The following TUBAL3 variants were observed in gnomAD, a reference collection of about 807,000 sequenced individuals.
The protein encoded by TUBAL3 is tubulin alpha chain-like 3.
TUBAL3 carries 16 observed loss-of-function variants against 15.5 expected under a neutral mutation model. That is an observed-to-expected ratio of 1.04 (90% confidence interval 0.70 to 1.57). The LOEUF (loss-of-function observed/expected upper bound fraction) is 1.57. Among genes scored for constraint, TUBAL3 ranks in the 40% most tolerant of loss-of-function variants. The pLI is 0.00. For synonymous variants in TUBAL3, 238 were observed against 224.3 expected (o/e 1.06, Z -0.55); for missense variants, 609 against 576.2 (o/e 1.06, Z -0.58).
At chr10:5,399,615 A>C (rs1554814463) in intron 2 of TUBAL3, among the ~76,000 whole-genome samples, 1 of 152,240 alleles carries the variant, frequency 6.6e-6, no homozygotes, top group African/African-American at 2.4e-5. Context: ...GTCGAAGGCA[A>C]AAATCAACAT....
intron 1 of TUBAL3, among the ~76,000 whole-genome samples, chr10:5,404,092 C>T (rs1352958861): frequency 1.3e-5 from 2 of 152,144 alleles, no homozygotes; most frequent in African/African-American, 4.8e-5. Flanking sequence ...TGTTGAAAGG[C>T]ATAATTTTTA....
In TUBAL3 at chr10:5,394,462, C is replaced by A; in HGVS notation, c.397-1G>T. ...CCTGAAGTCCACCACACTGTTCTGC[C>A]TGGAGAAAGTAAATGAGATGTGAGA... On this transcript the variant is annotated splice_acceptor_variant, in intron 3 of 3. Transcript: ENST00000380419. LOFTEE classifies it high-confidence loss of function. This position sits in a 1 kb window ranked among gnomAD's most constrained non-coding sequence, Gnocchi z 4.3. 6.3e-7 allele frequency: 1 copy of A among 1,586,046 alleles called. No homozygotes were observed. The highest frequency in any genetic ancestry group is 1.2e-5 in the South Asian group (1 of 86,138).
intron 2 of TUBAL3, among the ~76,000 whole-genome samples, chr10:5,398,787 G>C (rs773835281): frequency 5.9e-5 from 9 of 152,016 alleles, no homozygotes; most frequent in Non-Finnish European, 1.2e-4. Flanking sequence ...ATCAGCTGTT[G>C]TTAGTGTGAG....
In TUBAL3 at chr10:5,393,424, C is replaced by T. The variant is rs566257350; in HGVS notation, c.*93G>A. The T allele has an allele frequency of 7.0e-5, 80 of 1,147,998 alleles. No homozygotes were observed. In the African/African-American group the frequency reaches 1.0e-3, roughly 15 times the overall value. The allele number at this position is 1,147,998 out of a possible 1,614,324, so 71.1% of individuals were successfully genotyped here. A position where few individuals can be genotyped will look rare whatever the true frequency, so the allele number is the denominator to read the frequency against. ...TGCCTGATTTGAGTTCATTTTTCTG[C>T]TCATCAGGGGAACTACCCACTAGGC... On this transcript the variant is annotated 3_prime_UTR_variant, in exon 4 of 4. Coordinates refer to ENST00000380419, the MANE Select transcript of TUBAL3 (RefSeq NM_024803.3).
chr10:5,393,831 T>C lies in TUBAL3; in HGVS notation c.1027A>G (p.Lys343Glu). The change falls in exon 4 of 4, where the codon AAG becomes GAG. Residue 343 changes from lysine (K) to glutamate (E), a missense_variant. Physicochemically the swap from Lys to Glu is moderately conservative, Grantham distance 56 (BLOSUM62 1). Coordinates refer to ENST00000380419, the MANE Select transcript of TUBAL3 (RefSeq NM_024803.3). ...ACAAACTGAACAGAGTGCCTCGACTTCGTGGCTGCGATTGCTGCATTCACT... is the reference window on the plus strand; with the variant it reads ...ACAAACTGAACAGAGTGCCTCGACTCCGTGGCTGCGATTGCTGCATTCACT... The part of the protein sequence containing the change: ...KEVNAAIAAT[K>E]SRHSVQFVDW... The C allele has an allele frequency of 6.2e-7, 1 of 1,614,200 alleles. No individual in the cohort carries two copies. The highest frequency in any genetic ancestry group is 8.5e-7 in the Non-Finnish European group (1 of 1,180,038).
Position 5,394,320 on chromosome 10 carries a change from G to A in TUBAL3, c.538C>T (p.Pro180Ser), listed in dbSNP as rs782090793. 1 of 1,614,108 alleles carries A rather than the reference G, an allele frequency of 6.2e-7. No individual in the cohort carries two copies. Among genetic ancestry groups the A allele is most frequent in the Admixed American group, 1.7e-5 (1 of 60,006 alleles). ...RKTKLEFSVY[P>S]APRISTAVVE... ...ACAGCAGTGGAGATCCTGGGGGCTGGGTAGACCGAGAACTCCAGCTTAGTC... is the reference window on the plus strand; with the variant it reads ...ACAGCAGTGGAGATCCTGGGGGCTGAGTAGACCGAGAACTCCAGCTTAGTC... The change falls in exon 4 of 4, where the codon CCA (proline) becomes TCA (serine). Residue 180 changes from proline to serine, a missense_variant. Transcript: ENST00000380419. The surrounding 1 kb of genome is among the most constrained non-coding windows in gnomAD (Gnocchi z 4.3).
In TUBAL3 at chr10:5,404,799, G is replaced by T; in HGVS notation, c.-7C>A. The T allele has an allele frequency of 6.2e-7, 1 of 1,613,622 alleles. No individual in the cohort carries two copies. Among genetic ancestry groups the T allele is most frequent in the South Asian group, 1.1e-5 (1 of 91,004 alleles). ...GCGTGTAGTCACTTACCATGCTGAT[G>T]AGAACGTGCCCTTCCTGCCCTGTAG... On this transcript the variant is annotated 5_prime_UTR_variant, in exon 1 of 4. Transcript: ENST00000380419.
intron 1 of TUBAL3, among the ~76,000 whole-genome samples, chr10:5,401,868 A>G (rs1169644577): frequency 1.3e-5 from 2 of 152,200 alleles, no homozygotes; most frequent in Non-Finnish European, 2.9e-5. Flanking sequence ...ATCACAATTC[A>G]TAAGCATGAA....
intron 1 of TUBAL3, among the ~76,000 whole-genome samples, chr10:5,403,984 C>T (rs782278205): frequency 3.9e-5 from 6 of 152,144 alleles, no homozygotes; most frequent in South Asian, 2.1e-4. Context: ...ACCCATTTCC[C>T]GCAGTGGAAA....
Position 5,394,333 on chromosome 10 carries a change from C to T in TUBAL3, c.525G>A (p.Glu175=). Residue 175 remains glutamate (E), a synonymous_variant, in exon 4 of 4, where the codon GAG becomes GAA. Transcript: ENST00000380419. This position sits in a 1 kb window ranked among gnomAD's most constrained non-coding sequence, Gnocchi z 4.3. ...TCCTGGGGGCTGGGTAGACCGAGAA[C>T]TCCAGCTTAGTCTTTCTGCTATATT... ...TGEYSRKTKL[E]FSVYPAPRIS... is the part of the protein sequence containing the mutation. The T allele has an allele frequency of 4.3e-6, 7 of 1,614,132 alleles. No homozygotes were observed. The highest frequency in any genetic ancestry group is 5.1e-6 in the Non-Finnish European group (6 of 1,180,026).
intron 2 of TUBAL3, among the ~76,000 whole-genome samples, chr10:5,399,813 A>G (rs1554814483): frequency 2.0e-5 from 3 of 152,242 alleles, no homozygotes; most frequent in African/African-American, 7.2e-5. Flanking sequence ...CCCAGTTCCC[A>G]CTTGAGCCTT....
chr10:5,400,645 A>G (rs546491908), intron 2 of TUBAL3, among the ~76,000 whole-genome samples, 199 bp downstream of exon 2: 60 of 152,284 alleles, frequency 3.9e-4, no homozygotes, highest in African/African-American at 1.3e-3. Flanking sequence ...ATAAATTTAA[A>G]TTCAAAAACA....
Position 5,394,186 on chromosome 10 carries a change from G to C in TUBAL3, c.672C>G (p.Leu224=). 1 of 1,614,188 alleles carries C rather than the reference G, an allele frequency of 6.2e-7. No homozygotes were observed. Among genetic ancestry groups the C allele is most frequent in the Non-Finnish European group, 8.5e-7 (1 of 1,180,042 alleles). The part of the protein sequence containing the change: ...EAVYDICHRK[L]GVECPSHASI... ...TGGCATGAGAGGGGCATTCAACACCGAGTTTACGATGGCATATATCATAGA... is the reference window on the plus strand; with the variant it reads ...TGGCATGAGAGGGGCATTCAACACCCAGTTTACGATGGCATATATCATAGA... The change falls in exon 4 of 4, where the codon CTC becomes CTG. Residue 224 remains leucine (L), a synonymous_variant. Transcript: ENST00000380419. This position sits in a 1 kb window ranked among gnomAD's most constrained non-coding sequence, Gnocchi z 4.3.
In TUBAL3 at chr10:5,397,468, T is replaced by C. The variant is rs1554814259; in HGVS notation, c.248-1993A>G. On this transcript the variant is annotated intron_variant, in intron 2 of 3. Transcript: ENST00000380419. This position sits in a 1 kb window ranked among gnomAD's most constrained non-coding sequence, Gnocchi z 4.9. ...GGCTAAGAAGGTAATTTACGGAAGC[T>C]TCCTTCTTCATGACAATGTTGAGTC... Among the ~76,000 whole-genome samples the C allele has an allele frequency of 6.6e-6, 1 of 152,208 alleles. No individual in the cohort carries two copies. Among genetic ancestry groups the C allele is most frequent in the Non-Finnish European group, 1.5e-5 (1 of 68,032 alleles).
rs782166914 is a variant in TUBAL3, at chr10:5,395,352, A to G, written c.371T>C (p.Leu124Pro). The stretch of plus-strand genomic sequence containing the variant: ...CAGCTTCCGGGTCCTCTCCAGCACA[A>G]GGTCGATGACCTCCGACCCCACAGA... ...RYSVGSEVID[L>P]VLERTRKLAE... Residue 124 changes from leucine to proline, a missense_variant, in exon 3 of 4, where the codon CTT (leucine) becomes CCT (proline). By Grantham distance (98) the Leu-to-Pro change is moderately conservative (BLOSUM62 -3). Transcript: ENST00000380419. This position sits in a 1 kb window ranked among gnomAD's most constrained non-coding sequence, Gnocchi z 4.6. 6.3e-7 allele frequency: 1 copy of G among 1,582,790 alleles called. No homozygotes were observed.
chr10:5,402,614 G>C (rs1230373854), intron 1 of TUBAL3, among the ~76,000 whole-genome samples: 2 of 152,240 alleles, frequency 1.3e-5, no homozygotes, highest in African/African-American at 4.8e-5. Flanking sequence ...CCACAGACCA[G>C]TACCAGTCTG....
Position 5,401,020 on chromosome 10 carries a change from T to G in TUBAL3, c.71A>C (p.Tyr24Ser). 1 of 1,614,166 alleles carries G rather than the reference T, an allele frequency of 6.2e-7. No individual in the cohort carries two copies. Residue 24 changes from tyrosine (Y) to serine (S), a missense_variant, in exon 2 of 4, where the codon TAT becomes TCT. By Grantham distance (144) the Tyr-to-Ser change is moderately radical. Coordinates refer to ENST00000380419, the MANE Select transcript of TUBAL3 (RefSeq NM_024803.3). Reference sequence around the variant, plus strand: ...TGGCTGGATTCCATGTTCCAGGCAATAGAGTTCCCAGCAGGCGTCCCCAAT... The same window carrying G: ...TGGCTGGATTCCATGTTCCAGGCAAGAGAGTTCCCAGCAGGCGTCCCCAAT... ...IQIGDACWEL[Y>S]CLEHGIQPNG...
intron 1 of TUBAL3, among the ~76,000 whole-genome samples, chr10:5,403,685 T>C (rs888020249): frequency 2.6e-5 from 4 of 152,200 alleles, no homozygotes; most frequent in South Asian, 4.1e-4. Context: ...GCTTATAACA[T>C]AACTCTGTCC....
At position 5,393,234 on chromosome 10, in the gene TUBAL3, C is replaced by A; in HGVS notation, c.*283G>T. Reference sequence around the variant, plus strand: ...CATAAACTTCAGGATTTCATTGTCTCTTGGTAAAACAAAAAAATCCCACCT... The same window carrying A: ...CATAAACTTCAGGATTTCATTGTCTATTGGTAAAACAAAAAAATCCCACCT... On this transcript the variant is annotated 3_prime_UTR_variant, in exon 4 of 4. Transcript: ENST00000380419. 3.0e-6 allele frequency: 1 copy of A among 334,268 alleles called. No individual in the cohort carries two copies. The highest frequency in any genetic ancestry group is 5.4e-6 in the Non-Finnish European group (1 of 185,270). 20.7% of individuals were successfully genotyped at this position (334,268 alleles called of 1,614,324 possible).
Sources: allele counts gnomAD v4.1 joint callset (sites outside exome capture counted in the v4.1 genomes callset), GRCh38; gene constraint gnomAD v4.1.1; non-coding constraint Gnocchi (gnomAD v3.1); transcripts MANE v1.5; gene names NCBI Gene and HGNC (gene_info 2026-07-23, HGNC 2026-07-21).